The following ASIC2 variants were observed in gnomAD, a reference collection of about 807,000 sequenced individuals.
The protein encoded by ASIC2 is acid sensing ion channel subunit 2, also known as acid-sensing ion channel 2.
ASIC2 carries 25 observed loss-of-function variants against 57.3 expected under a neutral mutation model. That is an observed-to-expected ratio of 0.44 (90% CI 0.32 to 0.61). The LOEUF (loss-of-function observed/expected upper bound fraction) is 0.61, where lower values mean the gene tolerates loss of function less well. Ranked by LOEUF, ASIC2 falls within the 20% of genes least tolerant of loss-of-function variation. The pLI is 0.06. For missense variants in ASIC2, 641 were observed against 738.1 expected (o/e 0.87, Z 1.52); for synonymous variants, 319 against 307.5 (o/e 1.04, Z -0.39).
At chr17:33,986,626 C>G (rs1263300309) in intron 1 of ASIC2, among the ~76,000 whole-genome samples, 1 of 152,058 alleles carries the variant, frequency 6.6e-6, no homozygotes, top group Admixed American at 6.5e-5. Context: ...ACACTTACTT[C>G]CTGCTCTCCT....
chr17:33,536,743 A>G (rs1004566914), intron 1 of ASIC2, among the ~76,000 whole-genome samples: 1 of 152,244 alleles, frequency 6.6e-6, no homozygotes, highest in Non-Finnish European at 1.5e-5. Flanking sequence ...GCAGTGGCTC[A>G]TGCCTGTAAT....
chr17:33,772,643 G>A (rs1477495856), intron 1 of ASIC2, among the ~76,000 whole-genome samples: 1 of 152,134 alleles, frequency 6.6e-6, no homozygotes, highest in East Asian at 1.9e-4. Context: ...ATCCTATACT[G>A]TATGTGTACT....
chr17:33,765,459 C>G (rs761686339), intron 1 of ASIC2, among the ~76,000 whole-genome samples: 1 of 152,164 alleles, frequency 6.6e-6, no homozygotes, highest in African/African-American at 2.4e-5. Flanking sequence ...GAATATCTGA[C>G]AAACCAACCT....
intron 1 of ASIC2, among the ~76,000 whole-genome samples, chr17:33,157,044 GGCT>G (rs1429053083): frequency 6.6e-6 from 1 of 152,026 alleles, no homozygotes; most frequent in Non-Finnish European, 1.5e-5. Flanking sequence ...AGGTTACTGA[GGCT>G]GAGATCCAAG....
chr17:33,688,082 G>C (rs907018072), intron 1 of ASIC2, among the ~76,000 whole-genome samples: 5 of 152,144 alleles, frequency 3.3e-5, no homozygotes, highest in South Asian at 2.1e-4. Flanking sequence ...CAGGGAGAGG[G>C]GAATGTGTGT....
At chr17:33,920,974 AG>A (rs1316842936) in intron 1 of ASIC2, among the ~76,000 whole-genome samples, 1 of 152,180 alleles carries the variant, frequency 6.6e-6, no homozygotes, top group East Asian at 1.9e-4. Flanking sequence ...TAACTCATAA[AG>A]TTTATGGGAG....
In ASIC2 at chr17:34,106,542, A is replaced by G. The variant is rs537682432; in HGVS notation, c.555+49436T>C. The stretch of plus-strand genomic sequence containing the variant: ...GTATGTATGCACCTATTTATCAATC[A>G]TATCTATCTATCCATCTATCTAATC... On this transcript the variant is annotated intron_variant, in intron 1 of 9. Coordinates refer to the ASIC2 transcript ENST00000359872. 3.3e-5 allele frequency among the ~76,000 whole-genome samples: 5 copies of G among 152,262 alleles called. No individual in the cohort carries two copies. In the South Asian group the frequency reaches 1.0e-3, roughly 32 times the overall value.
chr17:33,202,901 C>T (rs1018632610), intron 1 of ASIC2, among the ~76,000 whole-genome samples: 7 of 152,090 alleles, frequency 4.6e-5, no homozygotes, highest in South Asian at 2.1e-4. Context: ...TGTTTTTCTC[C>T]GGGGACCACC....
intron 1 of ASIC2, among the ~76,000 whole-genome samples, chr17:33,277,629 G>C (rs932188255): frequency 1.3e-5 from 2 of 152,184 alleles, no homozygotes; most frequent in Non-Finnish European, 2.9e-5. Flanking sequence ...TAAGACCTTT[G>C]CCCTGGTGAA....
At chr17:33,618,682 A>G (rs1905682804) in intron 1 of ASIC2, among the ~76,000 whole-genome samples, 1 of 152,110 alleles carries the variant, frequency 6.6e-6, no homozygotes, top group South Asian at 2.1e-4. Context: ...TGGCTCTGTA[A>G]TTAAGTCCAA....
chr17:34,119,316 G>A (rs1911524726), intron 1 of ASIC2, among the ~76,000 whole-genome samples: 1 of 151,930 alleles, frequency 6.6e-6, no homozygotes, highest in Admixed American at 6.6e-5. Context: ...CTGAAAAAGG[G>A]GAAAACAAGA....
At chr17:33,797,581 G>A (rs926729907) in intron 1 of ASIC2, among the ~76,000 whole-genome samples, 3 of 152,170 alleles carry the variant, frequency 2.0e-5, no homozygotes, top group Non-Finnish European at 4.4e-5. Context: ...GCATGTTGAT[G>A]TGAAGCTTGG....
chr17:33,101,861 T>C (rs2092213276), intron 2 of ASIC2, among the ~76,000 whole-genome samples: 1 of 152,302 alleles, frequency 6.6e-6, no homozygotes, highest in African/African-American at 2.4e-5. Flanking sequence ...TGTTTTTTTT[T>C]CCATTTTGTT....
intron 1 of ASIC2, among the ~76,000 whole-genome samples, chr17:33,725,638 G>T (rs1909526664): frequency 6.6e-6 from 1 of 151,962 alleles, no homozygotes; most frequent in African/African-American, 2.4e-5. Context: ...AACACTTATA[G>T]GATCCTACAT....
At chr17:33,677,456 G>T (rs1448110829) in intron 1 of ASIC2, among the ~76,000 whole-genome samples, 1 of 152,206 alleles carries the variant, frequency 6.6e-6, no homozygotes, top group Non-Finnish European at 1.5e-5. Flanking sequence ...AGCTATAGCT[G>T]CCATAGATAG....
At chr17:33,182,252 A>G (rs552237680) in intron 1 of ASIC2, among the ~76,000 whole-genome samples, 2 of 152,272 alleles carry the variant, frequency 1.3e-5, no homozygotes, top group South Asian at 2.1e-4. Context: ...TTGGATATGG[A>G]CTTTGTAAAA....
At chr17:33,073,742 A>C (rs879276717) in intron 3 of ASIC2, among the ~76,000 whole-genome samples, 4 of 152,224 alleles carry the variant, frequency 2.6e-5, no homozygotes, top group African/African-American at 4.8e-5. Context: ...CAAATGGAGA[A>C]AACAATATCA....
intron 1 of ASIC2, among the ~76,000 whole-genome samples, chr17:34,033,866 T>A (rs926484821): frequency 6.6e-6 from 1 of 152,116 alleles, no homozygotes; most frequent in African/African-American, 2.4e-5. Flanking sequence ...GAGGCAATAA[T>A]CAATAGCTTA....
intron 1 of ASIC2, among the ~76,000 whole-genome samples, chr17:33,305,001 G>A (rs1359740766): frequency 1.3e-5 from 2 of 152,042 alleles, no homozygotes; most frequent in East Asian, 3.9e-4. Flanking sequence ...TTTATTTTCA[G>A]TTGAGCGGCA....
Sources: gnomAD v4.1 joint callset for allele counts (sites outside exome capture counted in the v4.1 genomes callset) on GRCh38, gnomAD v4.1.1 for gene constraint, MANE v1.5 for transcripts, NCBI Gene and HGNC (gene_info 2026-07-23, HGNC 2026-07-21) for gene names.